TRHDE: variants seen among roughly 807,000 people sequenced by gnomAD.
TRHDE encodes the protein thyrotropin-releasing hormone-degrading ectoenzyme.
A neutral mutation model predicts 125.7 loss-of-function variants in TRHDE; 72 were observed. The observed-to-expected ratio is 0.57, with a 90% confidence interval of 0.47 to 0.70. The LOEUF is 0.70. TRHDE is among the 30% of genes least tolerant of loss of function. The probability of loss-of-function intolerance (pLI) is 0.00; values close to 1 mark genes in which losing one functional copy is unlikely to be tolerated. For synonymous variants in TRHDE, 509 were observed against 509.1 expected (o/e 1.00, Z 0.00); for missense variants, 1,110 against 1,327.1 (o/e 0.84, Z 2.54).
chr12:72,663,474 G>A lies in TRHDE; in HGVS notation c.*279G>A, dbSNP rs1874998249. The A allele has an allele frequency of 8.2e-6, 2 of 244,258 alleles. No homozygotes were observed. The highest frequency in any genetic ancestry group is 7.8e-6 in the Non-Finnish European group (1 of 127,870). 15.1% of individuals were successfully genotyped at this position (244,258 alleles called of 1,614,324 possible). A position where few individuals can be genotyped will look rare whatever the true frequency, so the allele number is the denominator to read the frequency against. On this transcript the variant is annotated 3_prime_UTR_variant, in exon 19 of 19. Transcript: ENST00000261180. The stretch of plus-strand genomic sequence containing the variant: ...TCAGCTGTACATTCCTTGCTGTACA[G>A]GACCAAATATGATAGTGATGCATGT...
In TRHDE at chr12:72,618,902, T is replaced by A. The variant is rs1452842132; in HGVS notation, c.2333T>A (p.Leu778Ter). 6.6e-7 allele frequency: 1 copy of A among 1,526,212 alleles called. No individual in the cohort carries two copies. Among genetic ancestry groups the A allele is most frequent in the Non-Finnish European group, 8.8e-7 (1 of 1,140,330 alleles). The allele number at this position is 1,526,212 out of a possible 1,614,324, so 94.5% of individuals were successfully genotyped here. A position where few individuals can be genotyped will look rare whatever the true frequency, so the allele number is the denominator to read the frequency against. ...TTTTTTAACTGTAGGGCTGGCTATT[T>A]GCCTCAGAATATTCCTCTGGAGATT... ...DAFSLARAGY[L>*]PQNIPLEIIR... Residue 778 changes from leucine (L) to a stop codon, truncating the protein, a stop_gained, in exon 13 of 19, where the codon TTG becomes TAG. Transcript: ENST00000261180. LOFTEE classifies it high-confidence loss of function.
At chr12:72,136,064 G>A (rs1025976245) in intron 2 of TRHDE, among the ~76,000 whole-genome samples, 33 of 152,168 alleles carry the variant, frequency 2.2e-4, no homozygotes, top group African/African-American at 8.0e-4. Flanking sequence ...TAGTGAAAGA[G>A]TCAGGTTTCA....
chr12:72,188,454 A>G (rs1267575171), intron 2 of TRHDE, among the ~76,000 whole-genome samples: 2 of 152,230 alleles, frequency 1.3e-5, no homozygotes. Context: ...TTTATTGCCT[A>G]CTTTTCTGTA....
intron 2 of TRHDE, among the ~76,000 whole-genome samples, chr12:72,199,922 T>C (rs892260894): frequency 6.6e-6 from 1 of 152,176 alleles, no homozygotes; most frequent in Non-Finnish European, 1.5e-5. Context: ...AGGTTTCTTT[T>C]CCTTTGTGTT....
chr12:72,190,504 T>G (rs1046653541), intron 2 of TRHDE, among the ~76,000 whole-genome samples: 6 of 152,180 alleles, frequency 3.9e-5, no homozygotes, highest in Admixed American at 1.3e-4. Context: ...TACCAATTCA[T>G]GGAAAGAAGC....
chr12:72,637,576 G>A (rs1014426574), intron 15 of TRHDE, among the ~76,000 whole-genome samples: 2 of 151,874 alleles, frequency 1.3e-5, no homozygotes, highest in African/African-American at 4.8e-5. Flanking sequence ...TGCTTTTCTA[G>A]TTCTTTTAAT....
At chr12:72,512,123 G>C (rs997128546) in intron 6 of TRHDE, among the ~76,000 whole-genome samples, 1 of 151,958 alleles carries the variant, frequency 6.6e-6, no homozygotes, top group South Asian at 2.1e-4. Context: ...GGCTTTGTGA[G>C]AGCCAAAGTG....
chr12:72,393,567 A>G (rs184135250), intron 3 of TRHDE, among the ~76,000 whole-genome samples: 125 of 152,330 alleles, frequency 8.2e-4, no homozygotes, highest in African/African-American at 2.7e-3. Flanking sequence ...GGTAAAATTG[A>G]AGATCTGTTC....
chr12:72,553,724 C>T (rs75373112), intron 7 of TRHDE, among the ~76,000 whole-genome samples: 9,185 of 151,802 alleles, frequency 0.061, 935 homozygotes, highest in African/African-American at 0.21. Context: ...CTTTTTCTAC[C>T]GCTCCACCAC....
chr12:72,546,574 A>G (rs902610766), intron 7 of TRHDE, among the ~76,000 whole-genome samples: 3 of 151,582 alleles, frequency 2.0e-5, no homozygotes, highest in African/African-American at 7.3e-5. Flanking sequence ...TTTAAATCTA[A>G]TCAAGGCAGG....
At chr12:72,378,246 C>T (rs567237530) in intron 3 of TRHDE, 125 bp downstream of exon 3, 5 of 989,992 alleles carry the variant, frequency 5.1e-6, no homozygotes, top group Admixed American at 6.0e-5. Context: ...AGAAGATAAG[C>T]ACAAAAAAAA....
chr12:72,452,192 T>G (rs907543586), intron 3 of TRHDE, among the ~76,000 whole-genome samples: 29 of 90,804 alleles, frequency 3.2e-4, no homozygotes, highest in African/African-American at 2.2e-3. Flanking sequence ...TTCCTGAGGT[T>G]TTTTTTTTGT....
intron 2 of TRHDE, among the ~76,000 whole-genome samples, chr12:72,296,798 G>T (rs1400146755): frequency 6.6e-6 from 1 of 152,152 alleles, no homozygotes; most frequent in Non-Finnish European, 1.5e-5. Flanking sequence ...CATTAGTGTG[G>T]TAGGAGCAGA....
chr12:72,209,661 A>G (rs954211959), intron 2 of TRHDE, among the ~76,000 whole-genome samples: 1 of 152,236 alleles, frequency 6.6e-6, no homozygotes, highest in Non-Finnish European at 1.5e-5. Context: ...GATTCTTGCT[A>G]CATTAAAATA....
intron 17 of TRHDE, 61 bp from the exon 18 acceptor site, chr12:72,656,866 A>G (rs1874726211): frequency 8.8e-7 from 1 of 1,132,812 alleles, no homozygotes; most frequent in South Asian, 1.3e-5. Flanking sequence ...AAAAATCTTT[A>G]TAGTAATATT....
At chr12:72,616,166 A>G (rs1362128297) in intron 12 of TRHDE, among the ~76,000 whole-genome samples, 1 of 152,162 alleles carries the variant, frequency 6.6e-6, no homozygotes, top group African/African-American at 2.4e-5. Flanking sequence ...TTGCCTTGCC[A>G]TTATTTAGAA....
chr12:72,187,813 T>C (rs956293859), intron 2 of TRHDE, among the ~76,000 whole-genome samples: 25 of 152,296 alleles, frequency 1.6e-4, no homozygotes, highest in African/African-American at 5.8e-4. Context: ...AGAACTGGGA[T>C]TTACATTGTA....
At chr12:72,260,494 G>A (rs138812419) in intron 2 of TRHDE, among the ~76,000 whole-genome samples, 17 of 152,092 alleles carry the variant, frequency 1.1e-4, no homozygotes, top group African/African-American at 1.7e-4. Flanking sequence ...AACTGGACAC[G>A]GGAGCAACAA....
At chr12:72,203,984 C>T (rs1416181793) in intron 2 of TRHDE, among the ~76,000 whole-genome samples, 1 of 152,172 alleles carries the variant, frequency 6.6e-6, no homozygotes, top group Admixed American at 6.5e-5. Flanking sequence ...CTCCATATTA[C>T]TACATGGTAG....
Sources: allele counts gnomAD v4.1 joint callset (sites outside exome capture counted in the v4.1 genomes callset), GRCh38; gene constraint gnomAD v4.1.1; transcripts MANE v1.5; gene names NCBI Gene and HGNC (gene_info 2026-07-23, HGNC 2026-07-21).